NR2F2: variants seen among roughly 807,000 people sequenced by gnomAD.
NR2F2 encodes nuclear receptor subfamily 2 group F member 2.
NR2F2 carries 2 observed loss-of-function variants against 34.8 expected under a neutral mutation model. The observed-to-expected ratio is 0.06, with a 90% CI of 0.02 to 0.18. The LOEUF is 0.18. Among genes scored for constraint, NR2F2 ranks in the 10% least tolerant of loss-of-function variants. The probability of loss-of-function intolerance (pLI) is 1.00; values close to 1 mark genes in which losing one functional copy is unlikely to be tolerated. For synonymous variants in NR2F2, 274 were observed against 251.8 expected (o/e 1.09, Z -0.84); for missense variants, 300 against 580.1 (o/e 0.52, Z 4.96).
intron 1 of NR2F2, chr15:96,333,665 A>C: frequency 9.2e-7 from 1 of 1,083,674 alleles, no homozygotes; most frequent in Non-Finnish European, 1.1e-6. Flanking sequence ...GCCTTTTGCA[A>C]AAGCGCCTCA....
In NR2F2 at chr15:96,334,061, C is replaced by A. The variant is rs754106172; in HGVS notation, c.443-15C>A. On this transcript the variant is annotated splice_polypyrimidine_tract_variant and intron_variant, in intron 1 of 2. Transcript: ENST00000394166. Reference sequence around the variant, plus strand: ...CTGGTCATTAACTGTGGAGTGTCTCCTTTCCTCCCCGCAGCGGTGCAGAGG... The same window carrying A: ...CTGGTCATTAACTGTGGAGTGTCTCATTTCCTCCCCGCAGCGGTGCAGAGG... 6.2e-7 allele frequency: 1 copy of A among 1,607,580 alleles called. No individual in the cohort carries two copies. Among genetic ancestry groups the A allele is most frequent in the Admixed American group, 1.7e-5 (1 of 59,882 alleles).
At chr15:96,340,260 A>C (rs1409068456), downstream of NR2F2, 3 of 152,232 alleles carry the variant, frequency 2.0e-5, no homozygotes, top group African/African-American at 7.2e-5. Context: ...AAAGCAAAAG[A>C]CAATCCCTGT....
At position 96,331,816 on chromosome 15, in the gene NR2F2, C is replaced by T; in HGVS notation, c.-290C>T. The T allele has an allele frequency of 8.3e-7, 1 of 1,201,916 alleles. No homozygotes were observed. Among genetic ancestry groups the T allele is most frequent in the Non-Finnish European group, 1.0e-6 (1 of 968,938 alleles). 74.5% of individuals were successfully genotyped at this position (1,201,916 alleles called of 1,614,324 possible). A position where few individuals can be genotyped will look rare whatever the true frequency, so the allele number is the denominator to read the frequency against. ...CTGTCCCCTTCCCCTCCCCTCCCGGCGGAAAGCCCCCCGAAACCAACAAAG... is the reference window on the plus strand; with the variant it reads ...CTGTCCCCTTCCCCTCCCCTCCCGGTGGAAAGCCCCCCGAAACCAACAAAG... On this transcript the variant is annotated 5_prime_UTR_variant, in exon 1 of 3. Coordinates refer to ENST00000394166, the MANE Select transcript of NR2F2 (RefSeq NM_021005.4).
chr15:96,330,224 T>G (rs958944570), upstream of NR2F2, among the ~76,000 whole-genome samples: 2 of 152,126 alleles, frequency 1.3e-5, no homozygotes, highest in Non-Finnish European at 2.9e-5. Flanking sequence ...ATTCGTGACA[T>G]CGCCAAGTTG....
chr15:96,331,112 G>A lies in NR2F2; in HGVS notation c.-994G>A. The A allele has an allele frequency of 2.5e-6, 3 of 1,204,202 alleles. No homozygotes were observed. Among genetic ancestry groups the A allele is most frequent in the Non-Finnish European group, 1.0e-6 (1 of 970,740 alleles). The allele number at this position is 1,204,202 out of a possible 1,614,324, so 74.6% of individuals were successfully genotyped here. A position where few individuals can be genotyped will look rare whatever the true frequency, so the allele number is the denominator to read the frequency against. Reference sequence around the variant, plus strand: ...CAGCGGCAGCAGCGACTTCAGCGGCGGCGGCGGCGCTAGACGCAGCGGCTC... The same window carrying A: ...CAGCGGCAGCAGCGACTTCAGCGGCAGCGGCGGCGCTAGACGCAGCGGCTC... On this transcript the variant is annotated 5_prime_UTR_variant, in exon 1 of 3. Coordinates refer to ENST00000394166, the MANE Select transcript of NR2F2 (RefSeq NM_021005.4).
At chr15:96,332,681 T>G (rs994309490) in intron 1 of NR2F2, 134 bp downstream of exon 1, 2 of 1,445,644 alleles carry the variant, frequency 1.4e-6, no homozygotes, top group Non-Finnish European at 1.8e-6. Context: ...GGTTTTATAC[T>G]AGAAGCGAGT....
chr15:96,328,285 G>A (rs1392475438), upstream of NR2F2, among the ~76,000 whole-genome samples: 1 of 152,168 alleles, frequency 6.6e-6, no homozygotes, highest in Non-Finnish European at 1.5e-5. Context: ...TTTAATCTAA[G>A]GCCATCACGC....
chr15:96,331,775 G>A lies in NR2F2; in HGVS notation c.-331G>A. The A allele has an allele frequency of 8.5e-7, 1 of 1,174,596 alleles. No homozygotes were observed. Among genetic ancestry groups the A allele is most frequent in the Non-Finnish European group, 1.1e-6 (1 of 944,848 alleles). 72.8% of individuals were successfully genotyped at this position (1,174,596 alleles called of 1,614,324 possible). A position where few individuals can be genotyped will look rare whatever the true frequency, so the allele number is the denominator to read the frequency against. On this transcript the variant is annotated 5_prime_UTR_variant, in exon 1 of 3. Transcript: ENST00000394166. ...TCCCCTCCCTCTTTCTCCACGTTCT[G>A]CTCCCACTCGCTCTCCTGTCCCCTT...
chr15:96,328,052 AT>A (rs1462208562), upstream of NR2F2, among the ~76,000 whole-genome samples: 1 of 152,188 alleles, frequency 6.6e-6, no homozygotes, highest in African/African-American at 2.4e-5. Flanking sequence ...ATTTAAAAAT[AT>A]TTTTGCCCTT....
intron 2 of NR2F2, among the ~76,000 whole-genome samples, chr15:96,336,027 C>T (rs1264603424): frequency 2.6e-5 from 4 of 152,198 alleles, no homozygotes; most frequent in African/African-American, 9.7e-5. Flanking sequence ...AGATATCTCC[C>T]TACCTCATAG....
In NR2F2 at chr15:96,338,613, C is replaced by G. The variant is rs1186136340; in HGVS notation, c.*991C>G. ...AGCATGACAAAAATAACACTGTTGG[C>G]ACTTATAGGTAACGTGATTGATTCA... On this transcript the variant is annotated 3_prime_UTR_variant, in exon 3 of 3. Transcript: ENST00000394166. The G allele has an allele frequency of 2.0e-5, 3 of 151,982 alleles. No individual in the cohort carries two copies. Among genetic ancestry groups the G allele is most frequent in the African/African-American group, 7.3e-5 (3 of 41,226 alleles). 9.4% of individuals were successfully genotyped at this position (151,982 alleles called of 1,614,324 possible).
Position 96,330,972 on chromosome 15 carries a change from C to T in NR2F2, c.-1134C>T. On this transcript the variant is annotated 5_prime_UTR_variant, in exon 1 of 3. Transcript: ENST00000394166. ...GAAGGATGTGCTTCTAGGTGGTGAT[C>T]TGCCCTCCTCTCTCTCTTTTATCAT... 1 of 1,192,704 alleles carries T rather than the reference C, an allele frequency of 8.4e-7. No homozygotes were observed. The highest frequency in any genetic ancestry group is 1.0e-6 in the Non-Finnish European group (1 of 961,848). The allele number at this position is 1,192,704 out of a possible 1,614,324, so 73.9% of individuals were successfully genotyped here. A position where few individuals can be genotyped will look rare whatever the true frequency, so the allele number is the denominator to read the frequency against.
chr15:96,332,642 G>T (rs1567137703), intron 1 of NR2F2, 95 bp downstream of exon 1: 5 of 1,511,680 alleles, frequency 3.3e-6, no homozygotes, highest in East Asian at 2.4e-5. Flanking sequence ...GAAGCCCCAA[G>T]CTCTTCTCTT....
Position 96,339,052 on chromosome 15 carries a change from C to T in NR2F2, c.*1430C>T, listed in dbSNP as rs1483872985. ...TGCCATACTGATATAGTAAACCACCCCCATTCACCTAATCCTCCTTTTAAT... is the reference window on the plus strand; with the variant it reads ...TGCCATACTGATATAGTAAACCACCTCCATTCACCTAATCCTCCTTTTAAT... On this transcript the variant is annotated 3_prime_UTR_variant, in exon 3 of 3. Coordinates refer to ENST00000394166, the MANE Select transcript of NR2F2 (RefSeq NM_021005.4). 1 of 151,746 alleles carries T rather than the reference C, an allele frequency of 6.6e-6. No individual in the cohort carries two copies. Among genetic ancestry groups the T allele is most frequent in the Non-Finnish European group, 1.5e-5 (1 of 67,976 alleles). 9.4% of individuals were successfully genotyped at this position (151,746 alleles called of 1,614,324 possible). A position where few individuals can be genotyped will look rare whatever the true frequency, so the allele number is the denominator to read the frequency against.
chr15:96,331,834 C>A lies in NR2F2; in HGVS notation c.-272C>A. ...CTCCCGGCGGAAAGCCCCCCGAAAC[C>A]AACAAAGCTGAGCCGAGAGAAACAA... On this transcript the variant is annotated 5_prime_UTR_variant, in exon 1 of 3. Coordinates refer to ENST00000394166, the MANE Select transcript of NR2F2 (RefSeq NM_021005.4). The A allele has an allele frequency of 8.3e-7, 1 of 1,203,816 alleles. No individual in the cohort carries two copies. The allele number at this position is 1,203,816 out of a possible 1,614,324, so 74.6% of individuals were successfully genotyped here.
At chr15:96,330,400 T>TCGGCGGCGGCGGCGGCGGCGG (rs560453342), upstream of NR2F2, among the ~76,000 whole-genome samples, 1 of 143,478 alleles carries the variant, frequency 7.0e-6, no homozygotes, top group South Asian at 2.2e-4. Context: ...CATCCCCCTC[T>TCGGCGGCGGCGGCGGCGGCGG]CGGCGGCGGC....
chr15:96,327,623 C>G (rs1899027295), upstream of NR2F2, among the ~76,000 whole-genome samples: 1 of 152,120 alleles, frequency 6.6e-6, no homozygotes, highest in African/African-American at 2.4e-5. Context: ...TCATGGAGCT[C>G]CAGTGTGGTG....
In NR2F2 at chr15:96,337,655, G is replaced by A; in HGVS notation, c.*33G>A. ...AAATAAGAAGGGGGAGTGAAACAGA[G>A]AAAGAAAAGGCAAAAGACTGGTTTG... On this transcript the variant is annotated 3_prime_UTR_variant, in exon 3 of 3. Transcript: ENST00000394166. 1 of 1,592,082 alleles carries A rather than the reference G, an allele frequency of 6.3e-7. No individual in the cohort carries two copies. Among genetic ancestry groups the A allele is most frequent in the Non-Finnish European group, 8.6e-7 (1 of 1,167,542 alleles).
At position 96,340,062 on chromosome 15, in the gene NR2F2, CTT is replaced by C. The variant is rs1160856307; in HGVS notation, c.*2442_*2443del. 6.6e-6 allele frequency: 1 copy of C among 152,102 alleles called. No homozygotes were observed. The highest frequency in any genetic ancestry group is 1.5e-5 in the Non-Finnish European group (1 of 68,032). The allele number at this position is 152,102 out of a possible 1,614,324, so 9.4% of individuals were successfully genotyped here. Reference sequence around the variant, plus strand: ...GTTCTTACGGCACAGTATTGCTGACCTTTAGTTCGAGGTTTTGTCGGTTGTTG... The same window carrying C: ...GTTCTTACGGCACAGTATTGCTGACCTAGTTCGAGGTTTTGTCGGTTGTTG... On this transcript the variant is annotated 3_prime_UTR_variant, in exon 3 of 3. Transcript: ENST00000394166.
Sources: gnomAD v4.1 joint callset for allele counts (sites outside exome capture counted in the v4.1 genomes callset) on GRCh38, gnomAD v4.1.1 for gene constraint, MANE v1.5 for transcripts, NCBI Gene and HGNC (gene_info 2026-07-23, HGNC 2026-07-21) for gene names.